Variants in SRF observed in about 807,000 individuals in gnomAD.
SRF encodes the protein c-fos serum response element-binding transcription factor.
In SRF, 7 loss-of-function variants were observed where a neutral mutation model predicts 37.1. The observed-to-expected ratio is 0.19, with a 90% CI of 0.11 to 0.35. The LOEUF (loss-of-function observed/expected upper bound fraction) is 0.35, where lower values mean the gene tolerates loss of function less well. SRF is among the 10% of genes least tolerant of loss of function. SRF has a pLI of 1.00. For missense variants in SRF, 395 were observed against 694.4 expected, an observed-to-expected ratio of 0.57 and a Z score of 4.85; for synonymous variants, 285 against 310.1, an observed-to-expected ratio of 0.92 and a Z score of 0.85.
rs1772199229 is a variant in SRF at position 43,176,447 on chromosome 6, G to T, written c.1043-101G>T. Reference sequence around the variant, plus strand: ...CCAGGAAAGATAGTGATGGGAGTTGGAGACCAGTGTGCCAGACCCTGGGAC... The same window carrying T: ...CCAGGAAAGATAGTGATGGGAGTTGTAGACCAGTGTGCCAGACCCTGGGAC... On this transcript the variant is annotated intron_variant, in intron 3 of 6. Coordinates refer to ENST00000265354, the MANE Select transcript of SRF (RefSeq NM_003131.4). The surrounding 1 kb of genome is among the most constrained non-coding windows in gnomAD (Gnocchi z 4.0). 1 of 1,537,080 alleles carries T rather than the reference G, an allele frequency of 6.5e-7. No homozygotes were observed. Among genetic ancestry groups the T allele is most frequent in the Non-Finnish European group, 8.8e-7 (1 of 1,130,618 alleles).
Position 43,176,478 on chromosome 6 carries a change from T to C in SRF, c.1043-70T>C. 1.9e-6 allele frequency: 3 copies of C among 1,588,104 alleles called. No individual in the cohort carries two copies. The highest frequency in any genetic ancestry group is 2.6e-6 in the Non-Finnish European group (3 of 1,162,104). ...AGTGTGCCAGACCCTGGGACTGGGG[T>C]GTCCATGGGTACTTGGTGGAGGTGG... On this transcript the variant is annotated intron_variant, in intron 3 of 6. Transcript: ENST00000265354. This position sits in a 1 kb window ranked among gnomAD's most constrained non-coding sequence, Gnocchi z 4.0.
Position 43,180,598 on chromosome 6 carries a change from G to C in SRF, c.*1408G>C, listed in dbSNP as rs1024521235. On this transcript the variant is annotated 3_prime_UTR_variant, in exon 7 of 7. Transcript: ENST00000265354. The stretch of plus-strand genomic sequence containing the variant: ...TCAGTATTTATGTAATTTGTACAGG[G>C]GCCATGCCCCACCCCCCTCCTCCCC... The C allele has an allele frequency of 1.3e-5, 2 of 152,630 alleles. No individual in the cohort carries two copies. Among genetic ancestry groups the C allele is most frequent in the African/African-American group, 4.8e-5 (2 of 41,424 alleles). The allele number at this position is 152,630 out of a possible 1,614,324, so 9.5% of individuals were successfully genotyped here. A position where few individuals can be genotyped will look rare whatever the true frequency, so the allele number is the denominator to read the frequency against.
At chr6:43,174,225 G>C (rs140390001) in intron 2 of SRF, 112 bp downstream of exon 2, 5 of 1,373,834 alleles carry the variant, frequency 3.6e-6, no homozygotes, top group Non-Finnish European at 5.0e-6. Context: ...CCGGATTAAC[G>C]ACCCTCGTCC....
At position 43,179,211 on chromosome 6, in the gene SRF, G is replaced by A; in HGVS notation, c.*21G>A. The A allele has an allele frequency of 6.2e-7, 1 of 1,613,144 alleles. No individual in the cohort carries two copies. Among genetic ancestry groups the A allele is most frequent in the Non-Finnish European group, 8.5e-7 (1 of 1,179,132 alleles). On this transcript the variant is annotated 3_prime_UTR_variant, in exon 7 of 7. Coordinates refer to ENST00000265354, the MANE Select transcript of SRF (RefSeq NM_003131.4). The surrounding 1 kb of genome is among the most constrained non-coding windows in gnomAD (Gnocchi z 5.3). ...AATGATCCGCCCGCCGCCCTGGACA[G>A]ATGGCCCAAGGGATGGCACCACTTA...
At chr6:43,175,195 G>T (rs760397634) in intron 2 of SRF, among the ~76,000 whole-genome samples, 1 of 152,128 alleles carries the variant, frequency 6.6e-6, no homozygotes, top group Non-Finnish European at 1.5e-5. Context: ...GAAAGAAAAC[G>T]TAGTAGCCCA....
chr6:43,177,772 G>A (rs1386372871), intron 4 of SRF, among the ~76,000 whole-genome samples: 6 of 151,488 alleles, frequency 4.0e-5, no homozygotes, highest in Non-Finnish European at 7.4e-5. Context: ...AAAATTAGCC[G>A]GGCTTGATGG....
At position 43,178,390 on chromosome 6, in the gene SRF, C is replaced by T; in HGVS notation, c.1259C>T (p.Thr420Ile). ...CCGCATGCGGTGATGTATGCCCCCA[C>T]CTCGGGCCTGGGTGATGGCAGCCTC... Reference protein sequence around the residue: ...PSPHAVMYAPTSGLGDGSLTV... With the variant: ...PSPHAVMYAPISGLGDGSLTV... Residue 420 changes from threonine to isoleucine, a missense_variant, in exon 5 of 7, where the codon ACC becomes ATC. Thr to Ile is a moderately conservative substitution (Grantham distance 89, BLOSUM62 -1). This residue lies in a region of SRF where 232 missense variants were observed against 335.6 expected (regional missense o/e 0.69). Transcript: ENST00000265354. The surrounding 1 kb of genome is among the most constrained non-coding windows in gnomAD (Gnocchi z 4.3). 1.9e-6 allele frequency: 3 copies of T among 1,614,114 alleles called. No homozygotes were observed. The highest frequency in any genetic ancestry group is 2.5e-6 in the Non-Finnish European group (3 of 1,180,024).
rs1772107731 is a variant in SRF, at chr6:43,171,852, A to G, written c.196A>G (p.Thr66Ala). Residue 66 changes from threonine to alanine, a missense_variant, in exon 1 of 7, where the codon ACC (threonine) becomes GCC (alanine). Transcript: ENST00000265354. The surrounding 1 kb of genome is among the most constrained non-coding windows in gnomAD (Gnocchi z 6.5). The part of the protein sequence containing the change: ...LEREAAAAAA[T>A]TPAPTAGALY... ...GCGGGAGGCTGCGGCAGCGGCGGCAACCACCCCGGCGCCCACCGCGGGGGC... is the reference window on the plus strand; with the variant it reads ...GCGGGAGGCTGCGGCAGCGGCGGCAGCCACCCCGGCGCCCACCGCGGGGGC... 7.9e-7 allele frequency: 1 copy of G among 1,266,034 alleles called. No homozygotes were observed. Among genetic ancestry groups the G allele is most frequent in the Admixed American group, 4.2e-5 (1 of 23,754 alleles). The allele number at this position is 1,266,034 out of a possible 1,614,324, so 78.4% of individuals were successfully genotyped here. A position where few individuals can be genotyped will look rare whatever the true frequency, so the allele number is the denominator to read the frequency against.
chr6:43,177,291 A>G (rs1326771370), intron 4 of SRF, among the ~76,000 whole-genome samples: 1 of 139,118 alleles, frequency 7.2e-6, no homozygotes, highest in African/African-American at 2.8e-5. Flanking sequence ...GTGCAGTGGC[A>G]CCATCTCGGC....
chr6:43,174,334 G>A (rs1772159258), intron 2 of SRF, among the ~76,000 whole-genome samples: 1 of 152,144 alleles, frequency 6.6e-6, no homozygotes, highest in South Asian at 2.1e-4. Flanking sequence ...TGGGCTCCAC[G>A]CCGGCCTCCC....
chr6:43,174,627 T>A (rs1447724203), intron 2 of SRF, among the ~76,000 whole-genome samples: 2 of 152,210 alleles, frequency 1.3e-5, no homozygotes, highest in Non-Finnish European at 2.9e-5. Flanking sequence ...CCTGCGCTGT[T>A]ACTCCTCCCC....
rs1772192228 is a variant in SRF at position 43,176,061 on chromosome 6, T to C, written c.1042+94T>C. On this transcript the variant is annotated intron_variant, in intron 3 of 6. Coordinates refer to ENST00000265354, the MANE Select transcript of SRF (RefSeq NM_003131.4). The surrounding 1 kb of genome is among the most constrained non-coding windows in gnomAD (Gnocchi z 4.0). ...AGGGCTGGCACCAAGAGAACCTCTT[T>C]CCCTGCTCAGAAGGAAGGTGAATAG... 6.6e-7 allele frequency: 1 copy of C among 1,505,656 alleles called. No individual in the cohort carries two copies. The allele number at this position is 1,505,656 out of a possible 1,614,324, so 93.3% of individuals were successfully genotyped here.
In SRF at chr6:43,178,534, T is replaced by TACACACACACAC. The variant is rs112596376; in HGVS notation, c.1354+57_1354+68dup. ...GAAAGGAGGACCGTTTCCTTCTTTA[T>TACACACACACAC]ACACACACACACACACACATACACA... On this transcript the variant is annotated intron_variant, in intron 5 of 6. Coordinates refer to ENST00000265354, the MANE Select transcript of SRF (RefSeq NM_003131.4). This position sits in a 1 kb window ranked among gnomAD's most constrained non-coding sequence, Gnocchi z 4.3. 2.0e-6 allele frequency: 3 copies of TACACACACACAC among 1,506,862 alleles called. No individual in the cohort carries two copies. Among genetic ancestry groups the TACACACACACAC allele is most frequent in the African/African-American group, 2.8e-5 (2 of 71,572 alleles). The allele number at this position is 1,506,862 out of a possible 1,614,324, so 93.3% of individuals were successfully genotyped here.
Position 43,172,284 on chromosome 6 carries a change from A to T in SRF, c.513+115A>T. The T allele has an allele frequency of 6.0e-5, 77 of 1,280,096 alleles. No individual in the cohort carries two copies. The highest frequency in any genetic ancestry group is 3.1e-4 in the Middle Eastern group (1 of 3,216). 79.3% of individuals were successfully genotyped at this position (1,280,096 alleles called of 1,614,324 possible). On this transcript the variant is annotated intron_variant, in intron 1 of 6. Coordinates refer to ENST00000265354, the MANE Select transcript of SRF (RefSeq NM_003131.4). This position sits in a 1 kb window ranked among gnomAD's most constrained non-coding sequence, Gnocchi z 5.7. ...AGGTGAGAGGCTGCGAGTCCGCAGG[A>T]GGTGTGTGGGAGGGGATGGCTCCTG...
At position 43,180,590 on chromosome 6, in the gene SRF, T is replaced by C. The variant is rs915892268; in HGVS notation, c.*1400T>C. The stretch of plus-strand genomic sequence containing the variant: ...GTGTAACCTCAGTATTTATGTAATT[T>C]GTACAGGGGCCATGCCCCACCCCCC... On this transcript the variant is annotated 3_prime_UTR_variant, in exon 7 of 7. Coordinates refer to ENST00000265354, the MANE Select transcript of SRF (RefSeq NM_003131.4). The C allele has an allele frequency of 2.6e-5, 4 of 152,676 alleles. No homozygotes were observed. Among genetic ancestry groups the C allele is most frequent in the Non-Finnish European group, 5.9e-5 (4 of 68,068 alleles). The allele number at this position is 152,676 out of a possible 1,614,324, so 9.5% of individuals were successfully genotyped here. A position where few individuals can be genotyped will look rare whatever the true frequency, so the allele number is the denominator to read the frequency against.
chr6:43,177,664 C>T (rs1772229404), intron 4 of SRF, among the ~76,000 whole-genome samples: 1 of 150,468 alleles, frequency 6.6e-6, no homozygotes, highest in African/African-American at 2.4e-5. Context: ...GTCTGTAATC[C>T]CAGCGCTTTG....
chr6:43,177,148 T>G (rs912214991), intron 4 of SRF, among the ~76,000 whole-genome samples: 1 of 151,910 alleles, frequency 6.6e-6, no homozygotes, highest in Non-Finnish European at 1.5e-5. Context: ...GCCTATGGAC[T>G]GGGAACACCA....
At position 43,178,773 on chromosome 6, in the gene SRF, A is replaced by G; in HGVS notation, c.1355-33A>G. The G allele has an allele frequency of 6.2e-7, 1 of 1,610,446 alleles. No homozygotes were observed. Among genetic ancestry groups the G allele is most frequent in the Non-Finnish European group, 8.5e-7 (1 of 1,176,716 alleles). On this transcript the variant is annotated intron_variant, in intron 5 of 6. Coordinates refer to ENST00000265354, the MANE Select transcript of SRF (RefSeq NM_003131.4). The surrounding 1 kb of genome is among the most constrained non-coding windows in gnomAD (Gnocchi z 4.3). Reference sequence around the variant, plus strand: ...CCAATATCTGGAAGTTTCAACAAACAATTTGAGTATCTCCTGTGGTTTTCC... The same window carrying G: ...CCAATATCTGGAAGTTTCAACAAACGATTTGAGTATCTCCTGTGGTTTTCC...
In SRF at chr6:43,178,521, G is replaced by GT. The variant is rs539665172; in HGVS notation, c.1354+39dup. On this transcript the variant is annotated intron_variant, in intron 5 of 6. Coordinates refer to ENST00000265354, the MANE Select transcript of SRF (RefSeq NM_003131.4). The surrounding 1 kb of genome is among the most constrained non-coding windows in gnomAD (Gnocchi z 4.3). Reference sequence around the variant, plus strand: ...GAGCAGGGCTAAGGAAAGGAGGACCGTTTCCTTCTTTATACACACACACAC... The same window carrying GT: ...GAGCAGGGCTAAGGAAAGGAGGACCGTTTTCCTTCTTTATACACACACACAC... 2.9e-5 allele frequency: 46 copies of GT among 1,587,402 alleles called. No homozygotes were observed. The South Asian group carries it at 4.5e-4, about 15-fold the overall frequency.
Sources: gnomAD v4.1 joint callset for allele counts (sites outside exome capture counted in the v4.1 genomes callset) on GRCh38, gnomAD v4.1.1 for gene constraint, gnomAD v4.1.1 regional missense constraint, Gnocchi (gnomAD v3.1) non-coding constraint, MANE v1.5 for transcripts, NCBI Gene and HGNC (gene_info 2026-07-23, HGNC 2026-07-21) for gene names.